The following NPR2 variants were observed in gnomAD, a reference collection of about 807,000 sequenced individuals.
NPR2 encodes natriuretic peptide receptor 2.
NPR2 carries 49 observed loss-of-function variants against 120.7 expected under a neutral mutation model. The ratio of observed to expected loss-of-function variants is 0.41; its 90% CI spans 0.32 to 0.52. NPR2 has a LOEUF of 0.52. Among genes scored for constraint, NPR2 ranks in the 20% least tolerant of loss-of-function variants. The probability of loss-of-function intolerance (pLI) is 0.36; values close to 1 mark genes in which losing one functional copy is unlikely to be tolerated. For missense variants in NPR2, 931 were observed against 1,362.9 expected (o/e 0.68, Z 4.99); for synonymous variants, 484 against 519.8 (o/e 0.93, Z 0.94).
Position 35,801,682 on chromosome 9 carries a change from G to A in NPR2, c.1476G>A (p.Trp492Ter). 6.2e-7 allele frequency: 1 copy of A among 1,614,138 alleles called. No individual in the cohort carries two copies. Residue 492 changes from tryptophan to a stop codon, truncating the protein, a stop_gained, in exon 8 of 22, where the codon TGG becomes TGA. Coordinates refer to ENST00000342694, the MANE Select transcript of NPR2 (RefSeq NM_003995.4). LOFTEE classifies it high-confidence loss of function. ...AGAAGGAGCTGGCTAGCATGTTGTG[G>A]CGTATTCGCTGGGAAGAACTGCAGT... ...MLEKELASMLWRIRWEELQFG... is the reference protein window; with the variant it reads ...MLEKELASML
chr9:35,794,009 A>T lies in NPR2; in HGVS notation c.779A>T (p.Glu260Val), dbSNP rs757744435. ...TTCTTTTACCTGGATGTCTTTGGGGAGAGTCTCCGTGCAGGCCCCACACGT... is the reference window on the plus strand; with the variant it reads ...TTCTTTTACCTGGATGTCTTTGGGGTGAGTCTCCGTGCAGGCCCCACACGT... ...YVFFYLDVFG[E>V]SLRAGPTRAT... The change falls in exon 2 of 22, where the codon GAG becomes GTG. Residue 260 changes from glutamate to valine, a missense_variant. This residue lies in a region of NPR2 where 681 missense variants were observed against 974.3 expected (regional missense o/e 0.70). Transcript: ENST00000342694. The T allele has an allele frequency of 6.2e-7, 1 of 1,614,176 alleles. No homozygotes were observed. Among genetic ancestry groups the T allele is most frequent in the Non-Finnish European group, 8.5e-7 (1 of 1,180,024 alleles).
chr9:35,803,449 G>A (rs375012075), intron 12 of NPR2, among the ~76,000 whole-genome samples: 1 of 152,072 alleles, frequency 6.6e-6, no homozygotes, highest in South Asian at 2.1e-4. Context: ...TTTACTCTCC[G>A]AACATATTTA....
intron 12 of NPR2, among the ~76,000 whole-genome samples, chr9:35,804,804 C>G (rs763958972): frequency 7.4e-6 from 1 of 135,524 alleles, no homozygotes; most frequent in African/African-American, 2.9e-5. Context: ...TCCTCTACCC[C>G]GACCTGCCCA....
At position 35,808,786 on chromosome 9, in the gene NPR2, G is replaced by C; in HGVS notation, c.2919G>C (p.Lys973Asn). The C allele has an allele frequency of 6.2e-7, 1 of 1,613,890 alleles. No homozygotes were observed. Among genetic ancestry groups the C allele is most frequent in the Non-Finnish European group, 8.5e-7 (1 of 1,179,726 alleles). The change falls in exon 20 of 22, where the codon AAG (lysine) becomes AAC (asparagine). Residue 973 changes from lysine (K) to asparagine (N), a missense_variant. Coordinates refer to ENST00000342694, the MANE Select transcript of NPR2 (RefSeq NM_003995.4). This position sits in a 1 kb window ranked among gnomAD's most constrained non-coding sequence, Gnocchi z 4.0. ...TCTGTGCTGGGGTTGTTGGCCTGAA[G>C]ATGCCCCGTTATTGTCTTTTTGGAG... ...GPVCAGVVGL[K>N]MPRYCLFGDT...
rs1308339080 is a variant in NPR2, at chr9:35,799,708, G to A, written c.964G>A (p.Gly322Ser). 6.2e-7 allele frequency: 1 copy of A among 1,613,990 alleles called. No individual in the cohort carries two copies. Reference protein sequence around the residue: ...RLLIRAREDFGVELGPSLMNL... With the variant: ...RLLIRAREDFSVELGPSLMNL... ...GCTGATAAGAGCCCGGGAAGACTTT[G>A]GTGTGGAGCTGGGCCCTTCCCTGGT... Residue 322 changes from glycine to serine, a missense_variant, in exon 3 of 22, where the codon GGT (glycine) becomes AGT (serine). Physicochemically the swap from Gly to Ser is moderately conservative, Grantham distance 56. This residue lies in a region of NPR2 where 681 missense variants were observed against 974.3 expected (regional missense o/e 0.70). Coordinates refer to ENST00000342694, the MANE Select transcript of NPR2 (RefSeq NM_003995.4).
At chr9:35,804,293 G>C (rs1828283163) in intron 12 of NPR2, among the ~76,000 whole-genome samples, 1 of 151,168 alleles carries the variant, frequency 6.6e-6, no homozygotes, top group Non-Finnish European at 1.5e-5. Context: ...GAGTGTAGTG[G>C]CTAGGTCACT....
chr9:35,792,057 AGT>A lies in NPR2; in HGVS notation c.-351_-350del. On this transcript the variant is annotated 5_prime_UTR_variant, in exon 1 of 22. The change creates a premature stop within an existing upstream ORF in the 5' untranslated region. Coordinates refer to ENST00000342694, the MANE Select transcript of NPR2 (RefSeq NM_003995.4). ...CCGCCCCCCACCCCCACCCCATCCC[AGT>A]CCCAGATCCCCTTTTCCTTCTCAGC... 3 of 21,086 alleles carry A rather than the reference AGT, an allele frequency of 1.4e-4. No individual in the cohort carries two copies. The highest frequency in any genetic ancestry group is 2.9e-4 in the Non-Finnish European group (3 of 10,524). 1.3% of individuals were successfully genotyped at this position (21,086 alleles called of 1,614,324 possible). A position where few individuals can be genotyped will look rare whatever the true frequency, so the allele number is the denominator to read the frequency against.
In NPR2 at chr9:35,809,319, A is replaced by G; in HGVS notation, c.3079-61A>G. ...GTGATTATGGGAATCATAGGGAAAG[A>G]GAGGGAGACAAAGGGACTAACATCG... is the stretch of plus-strand genomic sequence containing the variant. On this transcript the variant is annotated intron_variant, in intron 21 of 21. Transcript: ENST00000342694. The surrounding 1 kb of genome is among the most constrained non-coding windows in gnomAD (Gnocchi z 4.1). 6.2e-7 allele frequency: 1 copy of G among 1,611,378 alleles called. No individual in the cohort carries two copies. The highest frequency in any genetic ancestry group is 1.3e-5 in the African/African-American group (1 of 74,982).
rs1828426901 is a variant in NPR2, at chr9:35,806,989, G to A, written c.2520-34G>A. On this transcript the variant is annotated intron_variant, in intron 16 of 21. Transcript: ENST00000342694. The surrounding 1 kb of genome is among the most constrained non-coding windows in gnomAD (Gnocchi z 4.6). Reference sequence around the variant, plus strand: ...CTCTCTCTTCCACTCCTGCTCTCTTGGAGTTTGGCTCATACGGCACCCTTG... The same window carrying A: ...CTCTCTCTTCCACTCCTGCTCTCTTAGAGTTTGGCTCATACGGCACCCTTG... The A allele has an allele frequency of 6.2e-7, 1 of 1,612,886 alleles. No individual in the cohort carries two copies. Among genetic ancestry groups the A allele is most frequent in the African/African-American group, 1.3e-5 (1 of 74,972 alleles).
rs1381686333 is a variant in NPR2 at position 35,808,239 on chromosome 9, T to C, written c.2713-270T>C. Reference sequence around the variant, plus strand: ...CCATTTCCTGATGGCAGAGCCTATTTGTCCATGTCCTGCTGCAGACAGGGT... The same window carrying C: ...CCATTTCCTGATGGCAGAGCCTATTCGTCCATGTCCTGCTGCAGACAGGGT... On this transcript the variant is annotated intron_variant, in intron 18 of 21. Coordinates refer to ENST00000342694, the MANE Select transcript of NPR2 (RefSeq NM_003995.4). The surrounding 1 kb of genome is among the most constrained non-coding windows in gnomAD (Gnocchi z 4.0). 3.1e-6 allele frequency: 5 copies of C among 1,614,134 alleles called. No individual in the cohort carries two copies. Among genetic ancestry groups the C allele is most frequent in the Non-Finnish European group, 4.2e-6 (5 of 1,180,050 alleles).
rs757278198 is a variant in NPR2 at position 35,792,714 on chromosome 9, G to A, written c.306G>A (p.Val102=). The part of the protein sequence containing the change: ...DPDLLLGPGC[V]YPAASVARFA... ...ACCTGCTGTTAGGTCCCGGTTGCGTGTACCCTGCTGCCTCTGTGGCCCGCT... is the reference window on the plus strand; with the variant it reads ...ACCTGCTGTTAGGTCCCGGTTGCGTATACCCTGCTGCCTCTGTGGCCCGCT... Residue 102 remains valine (V), a synonymous_variant, in exon 1 of 22, where the codon GTG becomes GTA. Transcript: ENST00000342694. 5 of 1,614,030 alleles carry A rather than the reference G, an allele frequency of 3.1e-6. No homozygotes were observed. The highest frequency in any genetic ancestry group is 4.2e-6 in the Non-Finnish European group (5 of 1,180,042).
Position 35,793,834 on chromosome 9 carries a change from G to A in NPR2, c.668-64G>A. 8.7e-6 allele frequency: 13 copies of A among 1,501,846 alleles called. No homozygotes were observed. The South Asian group carries it at 1.2e-4, about 14-fold the overall frequency. The allele number at this position is 1,501,846 out of a possible 1,614,324, so 93.0% of individuals were successfully genotyped here. On this transcript the variant is annotated intron_variant, in intron 1 of 21. Coordinates refer to ENST00000342694, the MANE Select transcript of NPR2 (RefSeq NM_003995.4). ...GAGGGACATCCCAGTGATTCAGAGAGGGGGCTGTGTGGGGGACCTGGATAC... is the reference window on the plus strand; with the variant it reads ...GAGGGACATCCCAGTGATTCAGAGAAGGGGCTGTGTGGGGGACCTGGATAC...
chr9:35,793,711 A>G (rs940409877), intron 1 of NPR2, among the ~76,000 whole-genome samples, 187 bp from the exon 2 acceptor site: 3 of 152,006 alleles, frequency 2.0e-5, no homozygotes, highest in Admixed American at 6.6e-5. Flanking sequence ...CAGATGGTCC[A>G]TATGGCCCCA....
rs757089428 is a variant in NPR2, at chr9:35,801,759, C to T, written c.1553C>T (p.Ser518Leu). The T allele has an allele frequency of 6.8e-6, 11 of 1,614,064 alleles. No homozygotes were observed. Among genetic ancestry groups the T allele is most frequent in the African/African-American group, 2.7e-5 (2 of 74,924 alleles). The change falls in exon 8 of 22, where the codon TCG becomes TTG. Residue 518 changes from serine to leucine, a missense_variant. Coordinates refer to ENST00000342694, the MANE Select transcript of NPR2 (RefSeq NM_003995.4). ...GGTGCAGGCAGTCGCCTCACACTGT[C>T]GCTGGTGAGCCCTTGTCTCAGCTGT... is the stretch of plus-strand genomic sequence containing the variant. ...HKGAGSRLTL[S>L]LRGSSYGSLM... is the part of the protein sequence containing the mutation.
Position 35,791,954 on chromosome 9 carries a change from T to C in NPR2, c.-455T>C, listed in dbSNP as rs1258891832. Among the ~76,000 whole-genome samples the C allele has an allele frequency of 1.3e-5, 2 of 151,120 alleles. No individual in the cohort carries two copies. Among genetic ancestry groups the C allele is most frequent in the African/African-American group, 4.9e-5 (2 of 41,082 alleles). On this transcript the variant is annotated 5_prime_UTR_variant, in exon 1 of 22. Coordinates refer to ENST00000342694, the MANE Select transcript of NPR2 (RefSeq NM_003995.4). ...GCACCCTCCCACCTTACCCCCTTGGTCCTATGTGGCGCAGCGCCCTCCTGC... is the reference window on the plus strand; with the variant it reads ...GCACCCTCCCACCTTACCCCCTTGGCCCTATGTGGCGCAGCGCCCTCCTGC...
rs1828207125 is a variant in NPR2, at chr9:35,802,468, A to G, written c.1711-35A>G. 3.9e-6 allele frequency: 5 copies of G among 1,289,660 alleles called. No homozygotes were observed. The highest frequency in any genetic ancestry group is 5.7e-6 in the Non-Finnish European group (5 of 883,726). 79.9% of individuals were successfully genotyped at this position (1,289,660 alleles called of 1,614,324 possible). On this transcript the variant is annotated intron_variant, in intron 10 of 21. Transcript: ENST00000342694. The surrounding 1 kb of genome is among the most constrained non-coding windows in gnomAD (Gnocchi z 4.2). ...CTGTATCTAATTTTTAACTCTTTCA[A>G]TTTTCTTATCCTTCCCATTGTTTTT...
chr9:35,809,701 TA>T lies in NPR2; in HGVS notation c.*260del. 3 of 1,256,970 alleles carry T rather than the reference TA, an allele frequency of 2.4e-6. No individual in the cohort carries two copies. Among genetic ancestry groups the T allele is most frequent in the Non-Finnish European group, 3.4e-6 (3 of 877,480 alleles). The allele number at this position is 1,256,970 out of a possible 1,614,324, so 77.9% of individuals were successfully genotyped here. A position where few individuals can be genotyped will look rare whatever the true frequency, so the allele number is the denominator to read the frequency against. On this transcript the variant is annotated 3_prime_UTR_variant, in exon 22 of 22. Transcript: ENST00000342694. The surrounding 1 kb of genome is among the most constrained non-coding windows in gnomAD (Gnocchi z 4.1). Reference sequence around the variant, plus strand: ...TAAACCAGAATATTTTGGTCAAATATAAAACAATAATAAAAAAAGTTCTGAT... The same window carrying T: ...TAAACCAGAATATTTTGGTCAAATATAAACAATAATAAAAAAAGTTCTGAT...
rs71276206 is a variant in NPR2, at chr9:35,799,444, ACG to A, written c.874-172_874-171del. ...CACACACACACACACACACACACACACGCACACACACACGCAGAGAGAGAGAG... is the reference window on the plus strand; with the variant it reads ...CACACACACACACACACACACACACACACACACACACGCAGAGAGAGAGAG... On this transcript the variant is annotated intron_variant, in intron 2 of 21. Transcript: ENST00000342694. Among the ~76,000 whole-genome samples, 66 of 149,098 alleles carry A rather than the reference ACG, an allele frequency of 4.4e-4. No homozygotes were observed. The East Asian group carries it at 0.011, about 25-fold the overall frequency.
Position 35,805,063 on chromosome 9 carries a change from G to A in NPR2, c.1888-448G>A, listed in dbSNP as rs1828314056. 6.6e-6 allele frequency among the ~76,000 whole-genome samples: 1 copy of A among 152,122 alleles called. No individual in the cohort carries two copies. Among genetic ancestry groups the A allele is most frequent in the African/African-American group, 2.4e-5 (1 of 41,386 alleles). ...CACCTACGCCTGGTTATGCATTAAAGTTTACAACTGGTCTTCCTTGGTATA... is the reference window on the plus strand; with the variant it reads ...CACCTACGCCTGGTTATGCATTAAAATTTACAACTGGTCTTCCTTGGTATA... On this transcript the variant is annotated intron_variant, in intron 12 of 21. Coordinates refer to ENST00000342694, the MANE Select transcript of NPR2 (RefSeq NM_003995.4). This position sits in a 1 kb window ranked among gnomAD's most constrained non-coding sequence, Gnocchi z 4.9.
Sources: gnomAD v4.1 joint callset for allele counts (sites outside exome capture counted in the v4.1 genomes callset) on GRCh38, gnomAD v4.1.1 for gene constraint, gnomAD v4.1.1 regional missense constraint, Gnocchi (gnomAD v3.1) non-coding constraint, MANE v1.5 for transcripts, NCBI Gene and HGNC (gene_info 2026-07-23, HGNC 2026-07-21) for gene names.